GRIP1: variants seen among roughly 807,000 people sequenced by gnomAD.
GRIP1 encodes glutamate receptor interacting protein 1, also known as glutamate receptor-interacting protein 1.
In GRIP1, 45 loss-of-function variants were observed where a neutral mutation model predicts 129.9. That is an observed-to-expected ratio of 0.35 (90% CI 0.27 to 0.44). The LOEUF (loss-of-function observed/expected upper bound fraction) is 0.44. Among genes scored for constraint, GRIP1 ranks in the 20% least tolerant of loss-of-function variants. The pLI, the probability that GRIP1 is intolerant of heterozygous loss-of-function variation, is 1.00. For missense variants in GRIP1, 1,196 were observed against 1,396.8 expected (o/e 0.86, Z 2.29); for synonymous variants, 530 against 520.8 (o/e 1.02, Z -0.24).
At chr12:66,405,772 T>A (rs944391631) in intron 16 of GRIP1, among the ~76,000 whole-genome samples, 2 of 152,182 alleles carry the variant, frequency 1.3e-5, no homozygotes, top group Admixed American at 6.5e-5. Context: ...TATCTATGCA[T>A]AAAGATGTCT....
chr12:66,877,155 C>T (rs146742825), intron 1 of GRIP1, among the ~76,000 whole-genome samples: 2 of 152,142 alleles, frequency 1.3e-5, no homozygotes, highest in Non-Finnish European at 2.9e-5. Context: ...CAATACAACA[C>T]ACCTGTAACC....
chr12:66,608,953 TTATTA>T (rs1278165174), intron 1 of GRIP1, among the ~76,000 whole-genome samples: 2 of 142,764 alleles, frequency 1.4e-5, no homozygotes, highest in East Asian at 4.0e-4. Flanking sequence ...ATTATTATTA[TTATTA>T]TATTATATAT....
chr12:66,770,323 C>A (rs769791258), intron 1 of GRIP1, among the ~76,000 whole-genome samples: 2 of 152,056 alleles, frequency 1.3e-5, no homozygotes, highest in Non-Finnish European at 2.9e-5. Context: ...GTTCAGGGAA[C>A]CTAAAATTCA....
chr12:66,491,550 G>A (rs1333518370), intron 7 of GRIP1, among the ~76,000 whole-genome samples: 1 of 152,058 alleles, frequency 6.6e-6, no homozygotes, highest in African/African-American at 2.4e-5. Context: ...GTTGATCTGT[G>A]TAGCAAACCA....
At chr12:66,360,026 C>T (rs1170957064) in intron 23 of GRIP1, among the ~76,000 whole-genome samples, 1 of 152,164 alleles carries the variant, frequency 6.6e-6, no homozygotes, top group African/African-American at 2.4e-5. Flanking sequence ...CTTACAACAC[C>T]TCTGGGCAGC....
intron 1 of GRIP1, among the ~76,000 whole-genome samples, chr12:66,665,631 T>C (rs1470914577): frequency 6.6e-6 from 1 of 152,208 alleles, no homozygotes; most frequent in African/African-American, 2.4e-5. Flanking sequence ...GAGTGGTGCA[T>C]AGTATGCCAA....
At chr12:66,351,077 T>A (rs1168319) in intron 24 of GRIP1, among the ~76,000 whole-genome samples, 76,228 of 151,550 alleles carry the variant, frequency 0.5, 19,664 homozygotes, top group East Asian at 0.57. Context: ...TGCGGAAAAC[T>A]AAGTGTCCCC....
chr12:66,687,821 A>G (rs1224113563), intron 1 of GRIP1, among the ~76,000 whole-genome samples: 1 of 152,158 alleles, frequency 6.6e-6, no homozygotes, highest in East Asian at 1.9e-4. Context: ...ATGGGTATCA[A>G]GGCTGACTAA....
chr12:66,517,791 G>T (rs952165166), intron 6 of GRIP1, 110 bp downstream of exon 6: 4 of 714,554 alleles, frequency 5.6e-6, no homozygotes, highest in Non-Finnish European at 5.1e-6. Context: ...TAACATGTTT[G>T]CTTAATAGCT....
intron 1 of GRIP1, among the ~76,000 whole-genome samples, chr12:66,960,294 A>G (rs2137530944): frequency 6.6e-6 from 1 of 152,270 alleles, no homozygotes; most frequent in South Asian, 2.1e-4. Context: ...TGACCTGAAG[A>G]GGTGAGAGCT....
In GRIP1 at chr12:66,445,295, A is replaced by G. The variant is rs764060311; in HGVS notation, c.1541+27T>C. 3 of 1,594,330 alleles carry G rather than the reference A, an allele frequency of 1.9e-6. No individual in the cohort carries two copies. In the South Asian group the frequency reaches 3.3e-5, roughly 18 times the overall value. ...AGGTACCAGAAACGCAGAGCAGAAAATGATGCTGTGAAAGAAAGTGTCTCA... is the reference window on the plus strand; with the variant it reads ...AGGTACCAGAAACGCAGAGCAGAAAGTGATGCTGTGAAAGAAAGTGTCTCA... On this transcript the variant is annotated intron_variant, in intron 12 of 24. Coordinates refer to ENST00000359742, the MANE Select transcript of GRIP1 (RefSeq NM_001366722.1).
chr12:66,392,337 G>C lies in GRIP1; in HGVS notation c.2435C>G (p.Ser812Cys), dbSNP rs1218718994. The C allele has an allele frequency of 6.2e-7, 1 of 1,612,192 alleles. No homozygotes were observed. Among genetic ancestry groups the C allele is most frequent in the African/African-American group, 1.3e-5 (1 of 75,010 alleles). ...VDSAVDSWDG[S>C]AIDTSYGTQG... is the part of the protein sequence containing the mutation. ...AGTTCCATAGCTGGTGTCTATTGCA[G>C]ACCCATCCCATGAATCCACAGCACT... The change falls in exon 19 of 25, where the codon TCT (serine) becomes TGT (cysteine). Residue 812 changes from serine (S) to cysteine (C), a missense_variant. Around this residue, in one of 5 missense-constraint regions of GRIP1, gnomAD observed 427 missense variants for 463.3 expected, o/e 0.92. Coordinates refer to ENST00000359742, the MANE Select transcript of GRIP1 (RefSeq NM_001366722.1).
intron 7 of GRIP1, among the ~76,000 whole-genome samples, chr12:66,479,757 G>C (rs750615284): frequency 2.6e-5 from 4 of 152,120 alleles, no homozygotes; most frequent in Non-Finnish European, 5.9e-5. Context: ...ATGCAAGGCT[G>C]GTTCAGCATA....
At chr12:66,493,270 G>A (rs1371192930) in intron 7 of GRIP1, among the ~76,000 whole-genome samples, 2 of 152,054 alleles carry the variant, frequency 1.3e-5, no homozygotes, top group Non-Finnish European at 2.9e-5. Flanking sequence ...TTTATTAGGG[G>A]GTTCAAATTG....
chr12:66,958,329 C>A (rs1443748750), intron 1 of GRIP1, among the ~76,000 whole-genome samples: 6 of 152,230 alleles, frequency 3.9e-5, no homozygotes, highest in African/African-American at 1.4e-4. Flanking sequence ...GATGGAATCC[C>A]ACTGCGTGGG....
intron 1 of GRIP1, among the ~76,000 whole-genome samples, chr12:66,883,308 C>G (rs1188118042): frequency 1.3e-5 from 2 of 152,048 alleles, no homozygotes; most frequent in Non-Finnish European, 2.9e-5. Flanking sequence ...AGTCTTCACA[C>G]TAGATTATAA....
chr12:66,741,866 G>A (rs2036798480), intron 1 of GRIP1, among the ~76,000 whole-genome samples: 1 of 152,050 alleles, frequency 6.6e-6, no homozygotes, highest in Admixed American at 6.6e-5. Flanking sequence ...AAACATAATG[G>A]CTTCCCATCT....
intron 1 of GRIP1, among the ~76,000 whole-genome samples, chr12:66,816,345 C>A (rs562538099): frequency 6.6e-6 from 1 of 152,136 alleles, no homozygotes; most frequent in African/African-American, 2.4e-5. Context: ...CAGCAAAGAG[C>A]CAGTATTTTA....
At chr12:66,904,881 A>G (rs1399532715) in intron 1 of GRIP1, among the ~76,000 whole-genome samples, 1 of 142,990 alleles carries the variant, frequency 7.0e-6, no homozygotes, top group Non-Finnish European at 1.5e-5. Context: ...ACAGAATGAG[A>G]CTCCGTCTCA....
Sources: gnomAD v4.1 joint callset for allele counts (sites outside exome capture counted in the v4.1 genomes callset) on GRCh38, gnomAD v4.1.1 for gene constraint, gnomAD v4.1.1 regional missense constraint, MANE v1.5 for transcripts, NCBI Gene and HGNC (gene_info 2026-07-23, HGNC 2026-07-21) for gene names.